Variants in ILRUN observed in about 807,000 individuals in gnomAD.
ILRUN encodes the protein inflammation and lipid regulator with UBA-like and NBR1-like domains, also known as protein ILRUN.
In ILRUN, 3 loss-of-function variants were observed where a neutral mutation model predicts 33.8. That is an observed-to-expected ratio of 0.09 (90% confidence interval 0.04 to 0.23). The LOEUF (loss-of-function observed/expected upper bound fraction) is 0.23, where lower values mean the gene tolerates loss of function less well. Among genes scored for constraint, ILRUN ranks in the 10% least tolerant of loss-of-function variants. The pLI is 1.00. For missense variants in ILRUN, 210 were observed against 375.1 expected (o/e 0.56, Z 3.64); for synonymous variants, 124 against 138.9 (o/e 0.89, Z 0.75).
intron 4 of ILRUN, among the ~76,000 whole-genome samples, chr6:34,600,912 G>A (rs924782174): frequency 1.3e-5 from 2 of 152,178 alleles, no homozygotes; most frequent in Non-Finnish European, 2.9e-5. Flanking sequence ...AGCATGCTTA[G>A]AAGTCAAAAA....
intron 4 of ILRUN, among the ~76,000 whole-genome samples, chr6:34,597,442 A>C (rs1761424496): frequency 6.6e-6 from 1 of 152,220 alleles, no homozygotes; most frequent in Admixed American, 6.5e-5. Context: ...TCAAGTTCCT[A>C]GTCAGGTAGC....
intron 1 of ILRUN, among the ~76,000 whole-genome samples, chr6:34,691,361 C>T (rs1390438732): frequency 1.3e-5 from 2 of 152,188 alleles, no homozygotes; most frequent in Non-Finnish European, 2.9e-5. Context: ...ATCATTTATT[C>T]ACTTTACATA....
At chr6:34,613,182 C>G (rs111234759) in intron 3 of ILRUN, among the ~76,000 whole-genome samples, 3,436 of 152,112 alleles carry the variant, frequency 0.023, 92 homozygotes, top group African/African-American at 0.062. Context: ...TCACTGCACT[C>G]TGGCCTGGGT....
chr6:34,682,021 C>CTTTTTTTTTTTTT (rs1377020252), intron 1 of ILRUN, among the ~76,000 whole-genome samples: 11 of 130,060 alleles, frequency 8.5e-5, no homozygotes, highest in African/African-American at 1.5e-4. Context: ...CCCACTAATT[C>CTTTTTTTTTTTTT]TTATATTTTT....
chr6:34,648,007 C>T (rs1297580235), intron 2 of ILRUN, among the ~76,000 whole-genome samples: 1 of 152,220 alleles, frequency 6.6e-6, no homozygotes, highest in Non-Finnish European at 1.5e-5. Context: ...CCGGTACCCA[C>T]TCTTGTGTAC....
At chr6:34,637,063 T>G (rs950490992) in intron 3 of ILRUN, among the ~76,000 whole-genome samples, 1 of 152,134 alleles carries the variant, frequency 6.6e-6, no homozygotes, top group African/African-American at 2.4e-5. Context: ...GCTCTACCTC[T>G]CTCCCCTACA....
rs1357330028 is a variant in ILRUN at position 34,589,859 on chromosome 6, T to C, written c.*706A>G. ...CTGCTGGCCACACAGGGAAGTTTGG[T>C]CTTCAGAGAGGTTCTGATGCTAACA... On this transcript the variant is annotated 3_prime_UTR_variant, in exon 5 of 5. Transcript: ENST00000374023. 1.3e-5 allele frequency: 2 copies of C among 151,796 alleles called. No homozygotes were observed. Among genetic ancestry groups the C allele is most frequent in the African/African-American group, 4.8e-5 (2 of 41,338 alleles). The allele number at this position is 151,796 out of a possible 1,614,324, so 9.4% of individuals were successfully genotyped here. A position where few individuals can be genotyped will look rare whatever the true frequency, so the allele number is the denominator to read the frequency against.
chr6:34,653,170 G>GAAAA (rs370883199), intron 2 of ILRUN, among the ~76,000 whole-genome samples: 2,215 of 141,394 alleles, frequency 0.016, 60 homozygotes, highest in African/African-American at 0.051. Flanking sequence ...AAGAAAGAAA[G>GAAAA]AAAAAAAATT....
chr6:34,673,341 T>A (rs1763155167), intron 1 of ILRUN, among the ~76,000 whole-genome samples: 1 of 151,982 alleles, frequency 6.6e-6, no homozygotes, highest in Non-Finnish European at 1.5e-5. Flanking sequence ...AAAGAATTCT[T>A]CAAAAAGATA....
At chr6:34,609,273 G>A (rs905800349) in intron 3 of ILRUN, among the ~76,000 whole-genome samples, 1 of 152,136 alleles carries the variant, frequency 6.6e-6, no homozygotes, top group South Asian at 2.1e-4. Flanking sequence ...TGGATCACTT[G>A]AGGTCAGGAG....
At chr6:34,651,553 T>C (rs1230201569) in intron 2 of ILRUN, among the ~76,000 whole-genome samples, 1 of 152,140 alleles carries the variant, frequency 6.6e-6, no homozygotes, top group East Asian at 1.9e-4. Flanking sequence ...CACAAGATGG[T>C]ATTTAAAACA....
At chr6:34,666,535 G>A (rs540504462) in intron 1 of ILRUN, among the ~76,000 whole-genome samples, 1 of 152,214 alleles carries the variant, frequency 6.6e-6, no homozygotes, top group South Asian at 2.1e-4. Context: ...CACTCCTCCA[G>A]CCTGGGCAAC....
At position 34,616,484 on chromosome 6, in the gene ILRUN, C is replaced by T. The variant is rs1761894772; in HGVS notation, c.512-9580G>A. ...AGGCTTGAAAGTGGACTGAAACATG[C>T]CCCAACAGTAGGCAGTGCAAAAGTC... On this transcript the variant is annotated intron_variant, in intron 3 of 4. Coordinates refer to ENST00000374023, the MANE Select transcript of ILRUN (RefSeq NM_024294.4). 7.7e-5 allele frequency: 56 copies of T among 724,994 alleles called. 1 individual carries two copies. In the South Asian group the frequency reaches 9.4e-4, roughly 12 times the overall value. The allele number at this position is 724,994 out of a possible 1,614,324, so 44.9% of individuals were successfully genotyped here.
chr6:34,638,611 G>A (rs1481510977), intron 3 of ILRUN, among the ~76,000 whole-genome samples: 1 of 151,980 alleles, frequency 6.6e-6, no homozygotes, highest in Non-Finnish European at 1.5e-5. Context: ...AGGCTGAGTT[G>A]GGAGGATTGC....
At chr6:34,686,221 C>G (rs975211433) in intron 1 of ILRUN, among the ~76,000 whole-genome samples, 2 of 152,120 alleles carry the variant, frequency 1.3e-5, no homozygotes, top group African/African-American at 2.4e-5. Flanking sequence ...TTCTTACAGG[C>G]CAGGTGTGGT....
intron 1 of ILRUN, among the ~76,000 whole-genome samples, chr6:34,677,234 G>A (rs1452179638): frequency 6.6e-6 from 1 of 152,074 alleles, no homozygotes; most frequent in Admixed American, 6.6e-5. Flanking sequence ...TTGAACCCAG[G>A]AGGCGGAGGC....
chr6:34,649,254 T>A (rs1264038227), intron 2 of ILRUN, among the ~76,000 whole-genome samples: 1 of 152,222 alleles, frequency 6.6e-6, no homozygotes, highest in Admixed American at 6.5e-5. Flanking sequence ...CACGTAACTC[T>A]GAAAAGGTCA....
intron 3 of ILRUN, among the ~76,000 whole-genome samples, chr6:34,632,990 T>C (rs1762279319): frequency 6.6e-6 from 1 of 152,118 alleles, no homozygotes; most frequent in Non-Finnish European, 1.5e-5. Context: ...ACACACCAAT[T>C]AGAAAACACA....
intron 4 of ILRUN, among the ~76,000 whole-genome samples, chr6:34,596,714 A>G (rs982557547): frequency 6.6e-6 from 1 of 151,784 alleles, no homozygotes; most frequent in Admixed American, 6.6e-5. Context: ...ATAGGAAAAA[A>G]CCCTACTTCT....
Sources: allele counts gnomAD v4.1 joint callset (sites outside exome capture counted in the v4.1 genomes callset), GRCh38; gene constraint gnomAD v4.1.1; transcripts MANE v1.5; gene names NCBI Gene and HGNC (gene_info 2026-07-23, HGNC 2026-07-21).